The following STK11IP variants were observed in gnomAD, a reference collection of about 807,000 sequenced individuals.
STK11IP encodes serine/threonine kinase 11 interacting protein.
In STK11IP, 103 loss-of-function variants were observed where a neutral mutation model predicts 131.7. The observed-to-expected ratio is 0.78, with a 90% confidence interval of 0.67 to 0.92. The LOEUF is 0.92. STK11IP is among the 40% of genes least tolerant of loss of function. The pLI, the probability that STK11IP is intolerant of heterozygous loss-of-function variation, is 0.00. For missense variants in STK11IP, 1,315 were observed against 1,385.7 expected, an observed-to-expected ratio of 0.95 and a Z score of 0.81; for synonymous variants, 557 against 575.6, an observed-to-expected ratio of 0.97 and a Z score of 0.46.
chr2:219,598,170 G>A lies in STK11IP; in HGVS notation c.51G>A (p.Leu17=). The A allele has an allele frequency of 6.4e-7, 1 of 1,562,762 alleles. No homozygotes were observed. The highest frequency in any genetic ancestry group is 1.2e-5 in the South Asian group (1 of 84,812). ...DSLLWKLAGL[L]RESGDVVLSG... ...TGTTGTGGAAGCTCGCGGGGTTGCT[G>A]CGGGAGTCCGGTGAGTGGACTTCCG... The change falls in exon 2 of 25, where the codon CTG becomes CTA. Residue 17 remains leucine (L), a synonymous_variant. Transcript: ENST00000456909.
chr2:219,608,831 G>C (rs1698293293), intron 15 of STK11IP, 43 bp downstream of exon 15: 1 of 1,530,942 alleles, frequency 6.5e-7, no homozygotes, highest in African/African-American at 1.4e-5. Context: ...CCAGTTATGG[G>C]AACATGGCTG....
chr2:219,605,966 G>T lies in STK11IP; in HGVS notation c.756G>T (p.Gln252His), dbSNP rs778658741. The change falls in exon 9 of 25, where the codon CAG (glutamine) becomes CAT (histidine). Residue 252 changes from glutamine to histidine, a missense_variant. By Grantham distance (24) the Gln-to-His change is conservative. Coordinates refer to ENST00000456909, the MANE Select transcript of STK11IP (RefSeq NM_052902.4). Reference sequence around the variant, plus strand: ...TTGCGTCCACCCCAGGCCTAGAGCAGCTGAGGAATCTGCGGCACCTGGATT... The same window carrying T: ...TTGCGTCCACCCCAGGCCTAGAGCATCTGAGGAATCTGCGGCACCTGGATT... Reference protein sequence around the residue: ...NELRSLHGLEQLRNLRHLDLA... With the variant: ...NELRSLHGLEHLRNLRHLDLA... The T allele has an allele frequency of 5.6e-6, 9 of 1,604,794 alleles. No homozygotes were observed. In the South Asian group the frequency reaches 1.0e-4, roughly 18 times the overall value.
At chr2:219,604,746 G>A (rs956156089) in intron 7 of STK11IP, among the ~76,000 whole-genome samples, 1 of 152,108 alleles carries the variant, frequency 6.6e-6, no homozygotes, top group Non-Finnish European at 1.5e-5. Context: ...GAATGTTTGT[G>A]GTGATAGCAT....
Position 219,614,316 on chromosome 2 carries a change from G to A in STK11IP, c.2798+74G>A. ...CACAGAGCCCCAGACATGGCCCTGT[G>A]CTGAGTAGGTCCTGGGCAGCCACCT... On this transcript the variant is annotated intron_variant, in intron 22 of 24. Coordinates refer to ENST00000456909, the MANE Select transcript of STK11IP (RefSeq NM_052902.4). The A allele has an allele frequency of 4.4e-6, 7 of 1,581,750 alleles. No individual in the cohort carries two copies. In the Admixed American group the frequency reaches 1.2e-4, roughly 27 times the overall value.
intron 20 of STK11IP, 46 bp from the exon 21 acceptor site, chr2:219,613,702 TCTCA>T: frequency 6.2e-7 from 1 of 1,609,258 alleles, no homozygotes; most frequent in Non-Finnish European, 8.5e-7. Context: ...TCTCTGGGAC[TCTCA>T]CTCCACTCTC....
At position 219,601,370 on chromosome 2, in the gene STK11IP, C is replaced by G; in HGVS notation, c.197C>G (p.Pro66Arg). The G allele has an allele frequency of 1.2e-6, 2 of 1,614,086 alleles. No individual in the cohort carries two copies. The highest frequency in any genetic ancestry group is 1.7e-6 in the Non-Finnish European group (2 of 1,179,910). The change falls in exon 3 of 25, where the codon CCT becomes CGT. Residue 66 changes from proline (P) to arginine (R), a missense_variant. Physicochemically the swap from Pro to Arg is moderately radical, Grantham distance 103. Coordinates refer to ENST00000456909, the MANE Select transcript of STK11IP (RefSeq NM_052902.4). ...GGCTTTGTGGCTCTGCCCTCCCATC[C>G]TGCCGACTCCCCTGTTATTCTTCAG... ...QTGFVALPSH[P>R]ADSPVILQLQ...
intron 2 of STK11IP, among the ~76,000 whole-genome samples, chr2:219,599,736 A>AT (rs58226404): frequency 5.0e-5 from 7 of 141,040 alleles, no homozygotes; most frequent in African/African-American, 1.6e-4. Context: ...AGTGTCCTGA[A>AT]TTTTTTTTTT....
At chr2:219,605,893 G>T in intron 8 of STK11IP, 63 bp from the exon 9 acceptor site, 2 of 1,493,580 alleles carry the variant, frequency 1.3e-6, no homozygotes, top group Non-Finnish European at 1.8e-6. Flanking sequence ...CCCAGTGCAT[G>T]CACCACACTC....
Position 219,608,812 on chromosome 2 carries a change from C to G in STK11IP, c.1809+24C>G, listed in dbSNP as rs200473717. ...CGGTGAGTGGGGCGTGGCAGGGTCT[C>G]TGGAGGAGCCAGTTATGGGAACATG... On this transcript the variant is annotated intron_variant, in intron 15 of 24. Transcript: ENST00000456909. 1.9e-5 allele frequency: 29 copies of G among 1,566,534 alleles called. No individual in the cohort carries two copies. The East Asian group carries it at 6.8e-4, about 37-fold the overall frequency.
intron 10 of STK11IP, 67 bp from the exon 11 acceptor site, chr2:219,606,409 C>T: frequency 1.3e-6 from 2 of 1,571,126 alleles, no homozygotes; most frequent in Non-Finnish European, 1.7e-6. Context: ...TTACTGTGTT[C>T]TTAATACCTG....
chr2:219,608,880 TCTCCTTGGCA>T, intron 15 of STK11IP, 92 bp downstream of exon 15: 1 of 1,368,320 alleles, frequency 7.3e-7, no homozygotes, highest in Non-Finnish European at 9.8e-7. Flanking sequence ...TCTTTCAGTC[TCTCCTTGGCA>T]CTAGGAGCCG....
At position 219,606,739 on chromosome 2, in the gene STK11IP, A is replaced by T. The variant is rs762942732; in HGVS notation, c.1015A>T (p.Met339Leu). Residue 339 changes from methionine (M) to leucine (L), a missense_variant, in exon 12 of 25, where the codon ATG (methionine) becomes TTG (leucine). Physicochemically the swap from Met to Leu is conservative, Grantham distance 15 (BLOSUM62 2). Coordinates refer to ENST00000456909, the MANE Select transcript of STK11IP (RefSeq NM_052902.4). ...TCACACATCCTTGGGGCTCAGCCCC[A>T]TGGGCCCACCTTTGCCCTGGCCAGT... ...QTHTSLGLSPMGPPLPWPVGS... is the reference protein window; with the variant it reads ...QTHTSLGLSPLGPPLPWPVGS... 6.2e-7 allele frequency: 1 copy of T among 1,612,784 alleles called. No homozygotes were observed. The highest frequency in any genetic ancestry group is 1.3e-5 in the African/African-American group (1 of 74,876).
chr2:219,602,434 G>A, intron 5 of STK11IP, 34 bp from the exon 6 acceptor site: 1 of 1,524,636 alleles, frequency 6.6e-7, no homozygotes, highest in Non-Finnish European at 9.1e-7. Flanking sequence ...GGAAGGGGAG[G>A]GTGGGGTAAT....
chr2:219,600,526 T>A (rs1574611247), intron 2 of STK11IP, among the ~76,000 whole-genome samples: 1 of 152,346 alleles, frequency 6.6e-6, no homozygotes, highest in South Asian at 2.1e-4. Flanking sequence ...ACTTATTATA[T>A]TTTTTAAGCC....
rs1574636027 is a variant in STK11IP, at chr2:219,616,314, C to A, written c.*121C>A. ...ATGTCTTCAGCCTCTGGGTGCTGGC[C>A]AGTGAGGTCCCAAATGACCCAGGGC... On this transcript the variant is annotated 3_prime_UTR_variant, in exon 25 of 25. Coordinates refer to ENST00000456909, the MANE Select transcript of STK11IP (RefSeq NM_052902.4). The A allele has an allele frequency of 7.6e-7, 1 of 1,321,690 alleles. No homozygotes were observed. Among genetic ancestry groups the A allele is most frequent in the Non-Finnish European group, 1.0e-6 (1 of 982,630 alleles). 81.9% of individuals were successfully genotyped at this position (1,321,690 alleles called of 1,614,324 possible). A position where few individuals can be genotyped will look rare whatever the true frequency, so the allele number is the denominator to read the frequency against.
intron 20 of STK11IP, 104 bp from the exon 21 acceptor site, chr2:219,613,647 CG>C (rs1409337392): frequency 3.0e-6 from 4 of 1,318,456 alleles, no homozygotes; most frequent in Non-Finnish European, 4.3e-6. Context: ...GGTGAGCGCA[CG>C]GGGGTGATGC....
chr2:219,609,018 C>T, intron 15 of STK11IP, 79 bp from the exon 16 acceptor site: 1 of 1,197,886 alleles, frequency 8.3e-7, no homozygotes, highest in Non-Finnish European at 1.2e-6. Context: ...TCCTGCCATC[C>T]TCCATGCTCT....
At chr2:219,605,342 T>A (rs1698114958) in intron 7 of STK11IP, among the ~76,000 whole-genome samples, 1 of 152,176 alleles carries the variant, frequency 6.6e-6, no homozygotes, top group African/African-American at 2.4e-5. Flanking sequence ...AATGGGAAAT[T>A]CTTTTGGCAG....
At chr2:219,609,743 T>G in intron 17 of STK11IP, 1 of 404,760 alleles carries the variant, frequency 2.5e-6, no homozygotes. Context: ...AACTATATCC[T>G]GTTTTTTTTT....
Sources: allele counts gnomAD v4.1 joint callset (sites outside exome capture counted in the v4.1 genomes callset), GRCh38; gene constraint gnomAD v4.1.1; transcripts MANE v1.5; gene names NCBI Gene and HGNC (gene_info 2026-07-23, HGNC 2026-07-21).